Variants in ANKAR observed in about 807,000 individuals in gnomAD.
ANKAR encodes the protein ankyrin and armadillo repeat-containing protein.
Under a neutral mutation model 146.2 loss-of-function variants are expected in ANKAR, and 136 were observed. The observed-to-expected ratio is 0.93, with a 90% CI of 0.81 to 1.07. The LOEUF is 1.07. Among genes scored for constraint, ANKAR ranks in the 50% least tolerant of loss-of-function variants. The probability of loss-of-function intolerance (pLI) is 0.00; values close to 1 mark genes in which losing one functional copy is unlikely to be tolerated. For synonymous variants in ANKAR, 500 were observed against 575.8 expected (o/e 0.87, Z 1.88); for missense variants, 1,567 against 1,679.9 (o/e 0.93, Z 1.18).
intron 2 of ANKAR, among the ~76,000 whole-genome samples, chr2:189,685,201 G>A (rs1312224822): frequency 3.3e-5 from 5 of 150,934 alleles, no homozygotes; most frequent in African/African-American, 1.2e-4. Flanking sequence ...TTTGTAGAAT[G>A]TTGTCCCGGC....
intron 8 of ANKAR, among the ~76,000 whole-genome samples, chr2:189,706,007 C>T (rs1428206984): frequency 6.6e-6 from 1 of 151,258 alleles, no homozygotes. Flanking sequence ...GGGACACCAG[C>T]TTCCTCTTGT....
chr2:189,753,035 C>T, intron 18 of ANKAR: 1 of 1,454,914 alleles, frequency 6.9e-7, no homozygotes, highest in South Asian at 1.4e-5. Context: ...AACCAAGCTG[C>T]TAATTAAACC....
intron 19 of ANKAR, among the ~76,000 whole-genome samples, chr2:189,738,887 T>C (rs1418650142): frequency 1.3e-5 from 2 of 152,148 alleles, no homozygotes; most frequent in African/African-American, 4.8e-5. Context: ...AGAAGCTGAG[T>C]AACTCTGAAT....
At chr2:189,717,381 A>G (rs2040607470) in intron 10 of ANKAR, among the ~76,000 whole-genome samples, 1 of 150,522 alleles carries the variant, frequency 6.6e-6, no homozygotes, top group South Asian at 2.1e-4. Flanking sequence ...TCAAAACAAC[A>G]ATGATATACC....
rs1167984469 is a variant in ANKAR, at chr2:189,739,244, CCACTCTTA to C, written c.3700+563_3700+570del. Among the ~76,000 whole-genome samples the C allele has an allele frequency of 1.8e-4, 27 of 152,226 alleles. No homozygotes were observed. In the South Asian group the frequency reaches 2.5e-3, roughly 14 times the overall value. Reference sequence around the variant, plus strand: ...AGTAATATTTAATTGACTTGTTATGCCACTCTTAAAGTAACATAAGGCAGGGTCAGAAT... The same window carrying C: ...AGTAATATTTAATTGACTTGTTATGCAAGTAACATAAGGCAGGGTCAGAAT... On this transcript the variant is annotated intron_variant, in intron 19 of 22. Coordinates refer to ENST00000684021, the MANE Select transcript of ANKAR (RefSeq NM_001378068.1).
At chr2:189,693,284 C>G in intron 5 of ANKAR, 107 bp downstream of exon 5, 2 of 679,064 alleles carry the variant, frequency 2.9e-6, no homozygotes, top group Non-Finnish European at 5.1e-6. Flanking sequence ...TTTACAATGG[C>G]GATTCCACAA....
At position 189,711,205 on chromosome 2, in the gene ANKAR, T is replaced by A. The variant is rs933013555; in HGVS notation, c.2224+52T>A. ...TTATGCTATTTTATGTAGAGCTATA[T>A]TTTATTCATCAGTCATTTTTAAATA... is the stretch of plus-strand genomic sequence containing the variant. On this transcript the variant is annotated intron_variant, in intron 10 of 22. Transcript: ENST00000684021. 3.1e-6 allele frequency: 4 copies of A among 1,306,148 alleles called. No homozygotes were observed. In the Admixed American group the frequency reaches 9.1e-5, roughly 30 times the overall value. The allele number at this position is 1,306,148 out of a possible 1,614,324, so 80.9% of individuals were successfully genotyped here. A position where few individuals can be genotyped will look rare whatever the true frequency, so the allele number is the denominator to read the frequency against.
At chr2:189,745,810 G>A (rs1191508443) in intron 22 of ANKAR, among the ~76,000 whole-genome samples, 4 of 152,150 alleles carry the variant, frequency 2.6e-5, no homozygotes, top group Non-Finnish European at 5.9e-5. Flanking sequence ...AGTATATGAG[G>A]GAAGCTAGGT....
rs749865115 is a variant in ANKAR, at chr2:189,705,192, T to A, written c.1878T>A (p.Asp626Glu). 2.5e-6 allele frequency: 4 copies of A among 1,614,134 alleles called. No homozygotes were observed. In the South Asian group the frequency reaches 4.4e-5, roughly 18 times the overall value. ...VCIIIALCRKDPSLLEAEATA... is the reference protein window; with the variant it reads ...VCIIIALCRKEPSLLEAEATA... ...TCATTATTGCTCTCTGTAGGAAGGATCCTAGTTTGCTAGAAGCTGAGGCAA... is the reference window on the plus strand; with the variant it reads ...TCATTATTGCTCTCTGTAGGAAGGAACCTAGTTTGCTAGAAGCTGAGGCAA... Residue 626 changes from aspartate to glutamate, a missense_variant, in exon 8 of 23, where the codon GAT becomes GAA. By Grantham distance (45) the Asp-to-Glu change is conservative. Transcript: ENST00000684021.
At chr2:189,677,484 T>G (rs947094342) in intron 2 of ANKAR, among the ~76,000 whole-genome samples, 5 of 152,088 alleles carry the variant, frequency 3.3e-5, no homozygotes, top group Non-Finnish European at 7.4e-5. Context: ...TATATCATTC[T>G]TATGCCTTTG....
chr2:189,677,098 G>T lies in ANKAR; in HGVS notation c.601+7G>T, dbSNP rs772910824. On this transcript the variant is annotated splice_region_variant and intron_variant, in intron 2 of 22. Transcript: ENST00000684021. ...TCAGAGTTTAGTTCAGCAGGTAAGAGAATTTAACACTTCTTAAATTTTTTT... is the reference window on the plus strand; with the variant it reads ...TCAGAGTTTAGTTCAGCAGGTAAGATAATTTAACACTTCTTAAATTTTTTT... 8.1e-5 allele frequency: 120 copies of T among 1,490,402 alleles called. No individual in the cohort carries two copies. The highest frequency in any genetic ancestry group is 2.0e-4 in the Admixed American group (8 of 39,906). The allele number at this position is 1,490,402 out of a possible 1,614,324, so 92.3% of individuals were successfully genotyped here.
At chr2:189,736,758 TATTATG>T (rs1320677437) in intron 17 of ANKAR, among the ~76,000 whole-genome samples, 1 of 151,936 alleles carries the variant, frequency 6.6e-6, no homozygotes, top group Non-Finnish European at 1.5e-5. Context: ...AGCATTTTAA[TATTATG>T]ATTAACAGTG....
In ANKAR at chr2:189,696,216, C is replaced by T. The variant is rs148013275; in HGVS notation, c.1555C>T (p.Arg519Cys). 3.1e-5 allele frequency: 50 copies of T among 1,613,856 alleles called. No individual in the cohort carries two copies. In the African/African-American group the frequency reaches 5.9e-4, roughly 19 times the overall value. The change falls in exon 7 of 23, where the codon CGT (arginine) becomes TGT (cysteine). Residue 519 changes from arginine to cysteine, a missense_variant. Physicochemically the swap from Arg to Cys is radical, Grantham distance 180. Coordinates refer to ENST00000684021, the MANE Select transcript of ANKAR (RefSeq NM_001378068.1). The part of the protein sequence containing the change: ...GLSAVFHTFS[R>C]KTSSSTINVS... ...GTCTGCAGTTTTCCACACATTTAGC[C>T]GTAAAACCTCAAGCTCAACAATCAA...
intron 8 of ANKAR, among the ~76,000 whole-genome samples, chr2:189,706,690 C>T (rs1348485849): frequency 1.3e-5 from 2 of 152,026 alleles, no homozygotes; most frequent in Admixed American, 6.5e-5. Context: ...GAACTTTGTG[C>T]GTTATCATCC....
At chr2:189,747,658 C>G (rs1234938620), downstream of ANKAR, among the ~76,000 whole-genome samples, 1 of 152,112 alleles carries the variant, frequency 6.6e-6, no homozygotes, top group African/African-American at 2.4e-5. Flanking sequence ...ATACAAACAC[C>G]TGGCTTCACT....
At chr2:189,732,515 G>T (rs6741074) in intron 16 of ANKAR, among the ~76,000 whole-genome samples, 92,214 of 151,766 alleles carry the variant, frequency 0.61, 30,782 homozygotes, top group South Asian at 0.76. Flanking sequence ...CAAAAAATTA[G>T]CTGGGCGTGG....
Position 189,730,587 on chromosome 2 carries a change from TCTC to T in ANKAR, c.3289_3291del (p.Pro1097del), listed in dbSNP as rs2042317044. On this transcript the variant is annotated inframe_deletion, in exon 16 of 23. Transcript: ENST00000684021. ...TATCCAACTACTAAGAAATCACCCT[TCTC>T]CTAACATTAAGGTATAAAGGTTTAC... 1 of 1,576,548 alleles carries T rather than the reference TCTC, an allele frequency of 6.3e-7. No homozygotes were observed. The highest frequency in any genetic ancestry group is 1.7e-4 in the Middle Eastern group (1 of 5,974).
chr2:189,709,846 G>A (rs1375642048), intron 9 of ANKAR, among the ~76,000 whole-genome samples: 3 of 152,168 alleles, frequency 2.0e-5, no homozygotes, highest in African/African-American at 4.8e-5. Context: ...CTAAATCATT[G>A]TAAAAACCTA....
intron 14 of ANKAR, 66 bp downstream of exon 14, chr2:189,728,486 G>C (rs1391867240): frequency 6.6e-7 from 1 of 1,507,686 alleles, no homozygotes; most frequent in Admixed American, 2.0e-5. Flanking sequence ...TGCCCAGCCT[G>C]GTGTGCAGTG....
Sources: gnomAD v4.1 joint callset for allele counts (sites outside exome capture counted in the v4.1 genomes callset) on GRCh38, gnomAD v4.1.1 for gene constraint, MANE v1.5 for transcripts, NCBI Gene and HGNC (gene_info 2026-07-23, HGNC 2026-07-21) for gene names.